CPB1: variants seen among roughly 807,000 people sequenced by gnomAD.
The protein encoded by CPB1 is carboxypeptidase B.
In CPB1, 53 loss-of-function variants were observed where a neutral mutation model predicts 51.4. That is an observed-to-expected ratio of 1.03 (90% confidence interval 0.83 to 1.30). The LOEUF (loss-of-function observed/expected upper bound fraction) is 1.30, where lower values mean the gene tolerates loss of function less well. Among genes scored for constraint, CPB1 ranks in the 50% most tolerant of loss-of-function variants. The pLI is 0.00. For synonymous variants in CPB1, 189 were observed against 186.9 expected, an observed-to-expected ratio of 1.01 and a Z score of -0.09; for missense variants, 494 against 516.2, an observed-to-expected ratio of 0.96 and a Z score of 0.42.
intron 10 of CPB1, among the ~76,000 whole-genome samples, chr3:148,859,573 T>A (rs1275007235): frequency 6.6e-6 from 1 of 152,194 alleles, no homozygotes; most frequent in Non-Finnish European, 1.5e-5. Context: ...CATTACAGAT[T>A]ACGTACTTTC....
In CPB1 at chr3:148,840,496, C is replaced by G. The variant is rs565619804; in HGVS notation, c.273-190C>G. 2.6e-5 allele frequency among the ~76,000 whole-genome samples: 4 copies of G among 152,302 alleles called. No homozygotes were observed. In the South Asian group the frequency reaches 8.3e-4, roughly 32 times the overall value. On this transcript the variant is annotated intron_variant, in intron 3 of 10. Coordinates refer to ENST00000282957, the MANE Select transcript of CPB1 (RefSeq NM_001871.3). ...AGTATCCTTCTTAGTGACTTACTCA[C>G]TCTTTATGGTCAGTAACAGAATCTC...
chr3:148,842,035 T>C, intron 6 of CPB1, 111 bp downstream of exon 6: 1 of 816,192 alleles, frequency 1.2e-6, no homozygotes, highest in East Asian at 2.6e-5. Context: ...CAATTACAAG[T>C]GCCCAATTTT....
At chr3:148,859,357 CTAGA>C (rs1327847417) in intron 10 of CPB1, among the ~76,000 whole-genome samples, 1 of 152,178 alleles carries the variant, frequency 6.6e-6, no homozygotes, top group Non-Finnish European at 1.5e-5. Context: ...AGGCCCTATG[CTAGA>C]TAAACACTAA....
chr3:148,844,781 T>A lies in CPB1; in HGVS notation c.778+14T>A, dbSNP rs1344195045. ...CTGGTTGGTGTGGTAAGTATCTGGC[T>A]AGCCATTTTGCATGTATCCATTGAA... On this transcript the variant is annotated intron_variant, in intron 8 of 10. Coordinates refer to ENST00000282957, the MANE Select transcript of CPB1 (RefSeq NM_001871.3). 6.2e-7 allele frequency: 1 copy of A among 1,610,386 alleles called. No individual in the cohort carries two copies. Among genetic ancestry groups the A allele is most frequent in the Non-Finnish European group, 8.5e-7 (1 of 1,176,958 alleles).
chr3:148,831,185 G>A (rs562271427), intron 2 of CPB1, among the ~76,000 whole-genome samples: 5 of 152,180 alleles, frequency 3.3e-5, no homozygotes, highest in Admixed American at 3.3e-4. Flanking sequence ...TTTATTGAAG[G>A]CATTCACCAT....
rs1336696762 is a variant in CPB1, at chr3:148,844,537, T to C, written c.636T>C (p.Phe212=). 1.9e-6 allele frequency: 3 copies of C among 1,613,966 alleles called. No homozygotes were observed. In the South Asian group the frequency reaches 3.3e-5, roughly 18 times the overall value. ...QVTELLDKLD[F]YVLPVLNIDG... is the part of the protein sequence containing the mutation. ...CAGAGCTTCTCGACAAGTTAGACTT[T>C]TATGTCCTGCCTGTGCTCAATATTG... The change falls in exon 7 of 11, where the codon TTT becomes TTC. Residue 212 remains phenylalanine, a synonymous_variant. Transcript: ENST00000282957.
chr3:148,848,739 A>G (rs143867908), intron 9 of CPB1, among the ~76,000 whole-genome samples: 3 of 152,334 alleles, frequency 2.0e-5, no homozygotes, highest in African/African-American at 7.2e-5. Context: ...AACCTTCAGA[A>G]GAAAGAAAGG....
At chr3:148,854,080 T>A (rs2108021118) in intron 9 of CPB1, 1 of 152,264 alleles carries the variant, frequency 6.6e-6, no homozygotes. Context: ...TCTGCCCTCA[T>A]CTCTTTTTAC....
At chr3:148,837,928 C>T (rs553696387) in intron 3 of CPB1, among the ~76,000 whole-genome samples, 1 of 152,088 alleles carries the variant, frequency 6.6e-6, no homozygotes, top group Admixed American at 6.6e-5. Context: ...AAATGCCAGC[C>T]CCCACACAGT....
chr3:148,857,676 T>C, intron 10 of CPB1, 135 bp downstream of exon 10: 1 of 415,736 alleles, frequency 2.4e-6, no homozygotes, highest in East Asian at 3.7e-5. Context: ...AAATATGTAA[T>C]CAGTTTTCTG....
Position 148,857,470 on chromosome 3 carries a change from A to C in CPB1, c.995A>C (p.Lys332Thr), listed in dbSNP as rs755045955. 6.2e-7 allele frequency: 1 copy of C among 1,613,926 alleles called. No homozygotes were observed. Among genetic ancestry groups the C allele is most frequent in the South Asian group, 1.1e-5 (1 of 91,066 alleles). The change falls in exon 10 of 11, where the codon AAA becomes ACA. Residue 332 changes from lysine (K) to threonine (T), a missense_variant. By Grantham distance (78) the Lys-to-Thr change is moderately conservative. Transcript: ENST00000282957. ...ENNAELNALAKATVKELASLH... is the reference protein window; with the variant it reads ...ENNAELNALATATVKELASLH... Reference sequence around the variant, plus strand: ...TTTCTTTTGCAGAATGCCCTGGCTAAAGCTACTGTGAAAGAACTTGCCTCA... The same window carrying C: ...TTTCTTTTGCAGAATGCCCTGGCTACAGCTACTGTGAAAGAACTTGCCTCA...
At chr3:148,844,795 G>A in intron 8 of CPB1, 28 bp downstream of exon 8, 2 of 1,586,394 alleles carry the variant, frequency 1.3e-6, no homozygotes, top group South Asian at 2.2e-5. Flanking sequence ...CATTTTGCAT[G>A]TATCCATTGA....
At chr3:148,844,152 T>C (rs560266568) in intron 6 of CPB1, among the ~76,000 whole-genome samples, 6 of 152,284 alleles carry the variant, frequency 3.9e-5, no homozygotes. Context: ...TAAAAAGCTA[T>C]TGTAGTTGTT....
intron 3 of CPB1, among the ~76,000 whole-genome samples, chr3:148,839,304 T>G (rs918226092): frequency 1.3e-5 from 2 of 152,184 alleles, no homozygotes; most frequent in African/African-American, 4.8e-5. Context: ...TTGATAACTC[T>G]TTTTTGGCCA....
At chr3:148,835,461 C>A (rs1014287871) in intron 3 of CPB1, among the ~76,000 whole-genome samples, 5 of 152,098 alleles carry the variant, frequency 3.3e-5, no homozygotes, top group Non-Finnish European at 7.4e-5. Flanking sequence ...GGAAATGATT[C>A]TTCAGCTGAG....
At chr3:148,839,714 G>T (rs1713020703) in intron 3 of CPB1, among the ~76,000 whole-genome samples, 1 of 152,134 alleles carries the variant, frequency 6.6e-6, no homozygotes, top group Admixed American at 6.5e-5. Flanking sequence ...AATGTCCTTG[G>T]GGCAGCCAGA....
chr3:148,859,137 C>T (rs1270048408), intron 10 of CPB1, among the ~76,000 whole-genome samples: 3 of 152,064 alleles, frequency 2.0e-5, no homozygotes, highest in Non-Finnish European at 4.4e-5. Flanking sequence ...CACTGTAAGA[C>T]TTTGGAGGGC....
intron 6 of CPB1, among the ~76,000 whole-genome samples, 155 bp from the exon 7 acceptor site, chr3:148,844,323 G>A (rs1713168553): frequency 6.6e-6 from 1 of 152,166 alleles, no homozygotes; most frequent in African/African-American, 2.4e-5. Flanking sequence ...AGTATTGGTA[G>A]TAATTTGCTG....
At chr3:148,828,852 G>A (rs1712648094) in intron 2 of CPB1, among the ~76,000 whole-genome samples, 1 of 152,082 alleles carries the variant, frequency 6.6e-6, no homozygotes, top group African/African-American at 2.4e-5. Context: ...AAGGCATAGA[G>A]GAAGGAAGAA....
Sources: gnomAD v4.1 joint callset for allele counts (sites outside exome capture counted in the v4.1 genomes callset) on GRCh38, gnomAD v4.1.1 for gene constraint, MANE v1.5 for transcripts, NCBI Gene and HGNC (gene_info 2026-07-23, HGNC 2026-07-21) for gene names.